Variants in DMXL1 observed in about 807,000 individuals in gnomAD.
DMXL1 encodes Dmx like 1.
Under a neutral mutation model 319.2 loss-of-function variants are expected in DMXL1, and 99 were observed. The observed-to-expected ratio is 0.31, with a 90% CI of 0.26 to 0.37. The LOEUF (loss-of-function observed/expected upper bound fraction) is 0.37, where lower values mean the gene tolerates loss of function less well. DMXL1 is among the 10% of genes least tolerant of loss of function. The pLI is 1.00. For synonymous variants in DMXL1, 1,385 were observed against 1,235.2 expected (o/e 1.12, Z -2.54); for missense variants, 3,745 against 3,595.6 (o/e 1.04, Z -1.06).
At chr5:119,136,932 A>G (rs1766134903) in intron 13 of DMXL1, among the ~76,000 whole-genome samples, 1 of 152,250 alleles carries the variant, frequency 6.6e-6, no homozygotes, top group South Asian at 2.1e-4. Flanking sequence ...CGTCCCACAG[A>G]GTCCCCACTG....
chr5:119,086,120 G>T (rs1428496706), intron 1 of DMXL1, among the ~76,000 whole-genome samples: 1 of 152,200 alleles, frequency 6.6e-6, no homozygotes, highest in Non-Finnish European at 1.5e-5. Context: ...ATGGCTGAAG[G>T]TGAAAGGCAC....
In DMXL1 at chr5:119,115,925, G is replaced by A. The variant is rs533658198; in HGVS notation, c.565-233G>A. Among the ~76,000 whole-genome samples, 5 of 152,192 alleles carry A rather than the reference G, an allele frequency of 3.3e-5. No individual in the cohort carries two copies. The South Asian group carries it at 8.3e-4, about 25-fold the overall frequency. On this transcript the variant is annotated intron_variant, in intron 6 of 43. Transcript: ENST00000539542. ...TTCCCCTTACTCTAGTAATTAGCAA[G>A]CATTTTTCTTGAACACAGAATACAC...
chr5:119,155,413 C>T (rs535148557), intron 19 of DMXL1, among the ~76,000 whole-genome samples: 134 of 152,204 alleles, frequency 8.8e-4, no homozygotes, highest in Non-Finnish European at 1.6e-3. Flanking sequence ...TTGATTCCAG[C>T]CTTCACAGAT....
In DMXL1 at chr5:119,105,247, G is replaced by T; in HGVS notation, c.353G>T (p.Trp118Leu). ...GAATCAATAGCACACAATATAACCTGGGATCCCACAGGTAAGAAAATAAGC... is the reference window on the plus strand; with the variant it reads ...GAATCAATAGCACACAATATAACCTTGGATCCCACAGGTAAGAAAATAAGC... ...FLESIAHNIT[W>L]DPTGSRLLTG... Residue 118 changes from tryptophan (W) to leucine (L), a missense_variant, in exon 4 of 44, where the codon TGG becomes TTG. Coordinates refer to ENST00000539542, the MANE Select transcript of DMXL1 (RefSeq NM_001290321.3). The T allele has an allele frequency of 6.2e-7, 1 of 1,611,958 alleles. No individual in the cohort carries two copies. Among genetic ancestry groups the T allele is most frequent in the Non-Finnish European group, 8.5e-7 (1 of 1,178,488 alleles).
chr5:119,099,436 C>G (rs1561575237), intron 2 of DMXL1, among the ~76,000 whole-genome samples: 7 of 152,130 alleles, frequency 4.6e-5, no homozygotes. Flanking sequence ...GTTTCAATCT[C>G]CTGACCTAGC....
At chr5:119,210,215 TGCTGGGATTAGGA>T (rs1229778275) in intron 34 of DMXL1, among the ~76,000 whole-genome samples, 1 of 152,198 alleles carries the variant, frequency 6.6e-6, no homozygotes, top group Non-Finnish European at 1.5e-5. Context: ...CCTCCTAAAG[TGCTGGGATTAGGA>T]GCGTGAACCA....
At position 119,149,248 on chromosome 5, in the gene DMXL1, C is replaced by A. The variant is rs770191881; in HGVS notation, c.3421C>A (p.His1141Asn). ...NITSNTKHLV[H>N]LDWMSREDGS... The stretch of plus-strand genomic sequence containing the variant: ...CACATCAAACACAAAGCATTTAGTT[C>A]ACTTAGATTGGATGTCTAGAGAAGA... Residue 1141 changes from histidine to asparagine, a missense_variant, in exon 18 of 44, where the codon CAC becomes AAC. His to Asn is a moderately conservative substitution (Grantham distance 68, BLOSUM62 1). This residue lies in a region of DMXL1 where 2,096 missense variants were observed against 1,985.4 expected (regional missense o/e 1.06). Transcript: ENST00000539542. The A allele has an allele frequency of 1.2e-6, 2 of 1,613,710 alleles. No individual in the cohort carries two copies. The highest frequency in any genetic ancestry group is 2.7e-5 in the African/African-American group (2 of 74,888).
chr5:119,090,165 C>T (rs541237601), intron 1 of DMXL1, among the ~76,000 whole-genome samples: 13 of 150,510 alleles, frequency 8.6e-5, no homozygotes, highest in South Asian at 6.4e-4. Flanking sequence ...GGATTATAGG[C>T]GCCCACCACC....
chr5:119,090,092 C>T (rs1205915836), intron 1 of DMXL1, among the ~76,000 whole-genome samples: 2 of 127,304 alleles, frequency 1.6e-5, no homozygotes, highest in Non-Finnish European at 3.2e-5. Flanking sequence ...GAGATCTCGG[C>T]TCACTGCAAC....
At chr5:119,178,490 T>G in intron 28 of DMXL1, 1 of 486,114 alleles carries the variant, frequency 2.1e-6, no homozygotes, top group African/African-American at 2.1e-5. Context: ...ATTTTACTAC[T>G]GAAACTTTCA....
At chr5:119,073,947 T>C (rs983643525) in intron 1 of DMXL1, among the ~76,000 whole-genome samples, 7 of 151,876 alleles carry the variant, frequency 4.6e-5, no homozygotes, top group African/African-American at 1.7e-4. Flanking sequence ...AGACGGAGTT[T>C]CGCTGTCGTT....
Position 119,178,152 on chromosome 5 carries a change from C to T in DMXL1, c.7043C>T (p.Ala2348Val). ...AGTAATGAGCTATTTCGGATTGTGG[C>T]CCATCCTCTAAATGAGAAAATGTGG... ...HSSNELFRIV[A>V]HPLNEKMWSA... is the part of the protein sequence containing the mutation. The change falls in exon 28 of 44, where the codon GCC (alanine) becomes GTC (valine). Residue 2348 changes from alanine (A) to valine (V), a missense_variant. Physicochemically the swap from Ala to Val is moderately conservative, Grantham distance 64 (BLOSUM62 0). This residue lies in a region of DMXL1 where 1,382 missense variants were observed against 1,269.5 expected (regional missense o/e 1.09). Coordinates refer to ENST00000539542, the MANE Select transcript of DMXL1 (RefSeq NM_001290321.3). The T allele has an allele frequency of 6.2e-7, 1 of 1,613,876 alleles. No homozygotes were observed. Among genetic ancestry groups the T allele is most frequent in the Non-Finnish European group, 8.5e-7 (1 of 1,179,834 alleles).
intron 34 of DMXL1, among the ~76,000 whole-genome samples, chr5:119,210,258 C>G (rs779516291): frequency 1.3e-5 from 2 of 152,104 alleles, no homozygotes; most frequent in African/African-American, 4.8e-5. Context: ...GCCACAAGTT[C>G]TTTTGAAGTG....
At chr5:119,087,376 C>T (rs893972986) in intron 1 of DMXL1, among the ~76,000 whole-genome samples, 11 of 151,780 alleles carry the variant, frequency 7.2e-5, no homozygotes, top group South Asian at 4.1e-4. Flanking sequence ...ATGTTGTATT[C>T]CCATTTTCAT....
intron 23 of DMXL1, among the ~76,000 whole-genome samples, chr5:119,168,101 T>C (rs1214475496): frequency 6.6e-6 from 1 of 152,238 alleles, no homozygotes; most frequent in Non-Finnish European, 1.5e-5. Context: ...ACATAAATAT[T>C]GTCAACACTT....
chr5:119,236,925 T>C (rs1245114556), intron 39 of DMXL1: 1 of 152,262 alleles, frequency 6.6e-6, no homozygotes, highest in Non-Finnish European at 1.5e-5. Flanking sequence ...CTCTTGTTCA[T>C]GTGTTTTCCT....
chr5:119,240,542 G>T, intron 42 of DMXL1, 71 bp downstream of exon 42: 1 of 1,092,328 alleles, frequency 9.2e-7, no homozygotes, highest in Non-Finnish European at 1.4e-6. Context: ...TTTATAAGTG[G>T]ATTTGTTACT....
chr5:119,242,549 A>G (rs1054772055), intron 42 of DMXL1, among the ~76,000 whole-genome samples: 1 of 152,194 alleles, frequency 6.6e-6, no homozygotes, highest in African/African-American at 2.4e-5. Flanking sequence ...TCTTGATTTT[A>G]TAGATTCAAC....
intron 4 of DMXL1, among the ~76,000 whole-genome samples, chr5:119,106,631 A>T (rs961366508): frequency 6.6e-6 from 1 of 152,194 alleles, no homozygotes; most frequent in Non-Finnish European, 1.5e-5. Context: ...AAAAGAGGCT[A>T]GTCATACAAG....
Sources: allele counts gnomAD v4.1 joint callset (sites outside exome capture counted in the v4.1 genomes callset), GRCh38; gene constraint gnomAD v4.1.1; regional missense constraint gnomAD v4.1.1; transcripts MANE v1.5; gene names NCBI Gene and HGNC (gene_info 2026-07-23, HGNC 2026-07-21).